Variants in CWC27 observed in about 807,000 individuals in gnomAD.
CWC27 encodes the protein CWC27 spliceosome associated cyclophilin, also known as spliceosome-associated protein CWC27 homolog.
In CWC27, 47 loss-of-function variants were observed where a neutral mutation model predicts 63.6. That is an observed-to-expected ratio of 0.74 (90% CI 0.58 to 0.94). The LOEUF (loss-of-function observed/expected upper bound fraction) is 0.94. Ranked by LOEUF, CWC27 falls within the 40% of genes least tolerant of loss-of-function variation. CWC27 has a pLI of 0.00. For missense variants in CWC27, 495 were observed against 554.3 expected (o/e 0.89, Z 1.07); for synonymous variants, 175 against 179.8 (o/e 0.97, Z 0.22).
intron 10 of CWC27, among the ~76,000 whole-genome samples, chr5:64,853,780 C>T (rs1016966601): frequency 2.6e-5 from 4 of 152,168 alleles, no homozygotes; most frequent in Admixed American, 6.5e-5. Context: ...CCAAACACCT[C>T]CCACCAGGGC....
At chr5:64,776,340 T>G (rs1165370310) in intron 2 of CWC27, among the ~76,000 whole-genome samples, 1 of 151,928 alleles carries the variant, frequency 6.6e-6, no homozygotes, top group Non-Finnish European at 1.5e-5. Flanking sequence ...ACAAAAACAT[T>G]AGAAAGAATG....
At chr5:65,001,703 G>A (rs545807252) in intron 13 of CWC27, among the ~76,000 whole-genome samples, 17 of 152,100 alleles carry the variant, frequency 1.1e-4, no homozygotes, top group South Asian at 8.3e-4. Context: ...TTTTTGATGC[G>A]TTGTTGGATA....
At chr5:64,966,886 TTTTG>T (rs144972163) in intron 11 of CWC27, among the ~76,000 whole-genome samples, 16,557 of 152,058 alleles carry the variant, frequency 0.11, 1,056 homozygotes, top group Non-Finnish European at 0.13. Flanking sequence ...TAATAAAAAT[TTTTG>T]TTTGTTTTAA....
chr5:64,824,680 T>C (rs1745307678), intron 10 of CWC27, among the ~76,000 whole-genome samples: 1 of 151,510 alleles, frequency 6.6e-6, no homozygotes, highest in African/African-American at 2.4e-5. Flanking sequence ...GTTTTTTTTT[T>C]TTTTCCTCTA....
intron 13 of CWC27, among the ~76,000 whole-genome samples, chr5:65,008,501 A>T (rs1434633685): frequency 6.6e-6 from 1 of 152,242 alleles, no homozygotes; most frequent in Non-Finnish European, 1.5e-5. Flanking sequence ...TTAGAACTTT[A>T]TCCGACCCAC....
intron 11 of CWC27, among the ~76,000 whole-genome samples, chr5:64,970,282 G>A (rs1580755799): frequency 6.7e-6 from 1 of 149,216 alleles, no homozygotes; most frequent in Non-Finnish European, 1.5e-5. Flanking sequence ...GCGCGATCTC[G>A]GCTCACTGCA....
intron 10 of CWC27, among the ~76,000 whole-genome samples, chr5:64,861,979 G>C (rs1263558498): frequency 6.6e-6 from 1 of 152,156 alleles, no homozygotes; most frequent in Non-Finnish European, 1.5e-5. Context: ...CTTGGTATGA[G>C]GATTTAAAAA....
intron 13 of CWC27, among the ~76,000 whole-genome samples, chr5:65,008,873 C>G (rs949096051): frequency 6.6e-6 from 1 of 152,064 alleles, no homozygotes; most frequent in African/African-American, 2.4e-5. Context: ...TATAAACCTC[C>G]AAAGTGAGTT....
At chr5:64,873,266 A>G (rs1428440043) in intron 10 of CWC27, among the ~76,000 whole-genome samples, 1 of 152,186 alleles carries the variant, frequency 6.6e-6, no homozygotes, top group Non-Finnish European at 1.5e-5. Context: ...CAATTAAAGG[A>G]AGTCTATTAA....
chr5:64,877,983 G>A (rs544513085), intron 10 of CWC27, among the ~76,000 whole-genome samples: 14 of 151,998 alleles, frequency 9.2e-5, no homozygotes, highest in Non-Finnish European at 1.8e-4. Context: ...AATTCAAAAT[G>A]TGCTTTAAAA....
At chr5:65,002,975 G>C (rs1490241341) in intron 13 of CWC27, among the ~76,000 whole-genome samples, 1 of 152,054 alleles carries the variant, frequency 6.6e-6, no homozygotes, top group African/African-American at 2.4e-5. Context: ...CTCGAATGTT[G>C]GGTACAAATA....
At chr5:64,949,937 T>C (rs1360318111) in intron 11 of CWC27, among the ~76,000 whole-genome samples, 1 of 151,994 alleles carries the variant, frequency 6.6e-6, no homozygotes, top group Non-Finnish European at 1.5e-5. Flanking sequence ...GCATCGGTAC[T>C]TTTTGAAGCT....
chr5:64,820,524 A>G (rs910339948), intron 10 of CWC27, among the ~76,000 whole-genome samples: 1 of 152,156 alleles, frequency 6.6e-6, no homozygotes, highest in South Asian at 2.1e-4. Flanking sequence ...AGAGTGTGAC[A>G]TACCTATTAA....
intron 11 of CWC27, among the ~76,000 whole-genome samples, chr5:64,935,678 A>G (rs1225417287): frequency 1.3e-5 from 2 of 152,176 alleles, no homozygotes; most frequent in African/African-American, 2.4e-5. Flanking sequence ...CATTGAATCT[A>G]TAAATTACTT....
intron 11 of CWC27, among the ~76,000 whole-genome samples, chr5:64,933,776 C>A (rs1241009992): frequency 6.6e-6 from 1 of 152,186 alleles, no homozygotes; most frequent in African/African-American, 2.4e-5. Flanking sequence ...CAGGCGTGAG[C>A]CACCACGCCT....
chr5:64,922,577 C>G (rs1407760504), intron 11 of CWC27, among the ~76,000 whole-genome samples: 2 of 152,208 alleles, frequency 1.3e-5, no homozygotes, highest in Non-Finnish European at 2.9e-5. Context: ...TCTTGTGTCT[C>G]AATGAGCTTC....
chr5:64,919,706 A>G (rs1747959974), intron 11 of CWC27, among the ~76,000 whole-genome samples: 2 of 152,174 alleles, frequency 1.3e-5, no homozygotes, highest in East Asian at 1.9e-4. Context: ...TTATGGCTGC[A>G]TAGTATTCTT....
chr5:64,958,736 A>G (rs1197199577), intron 11 of CWC27, among the ~76,000 whole-genome samples: 5 of 152,136 alleles, frequency 3.3e-5, no homozygotes, highest in Admixed American at 2.0e-4. Flanking sequence ...TAATGGAAAA[A>G]CACAGAGGAA....
intron 12 of CWC27, among the ~76,000 whole-genome samples, chr5:64,973,440 A>T (rs923519729): frequency 3.3e-5 from 5 of 152,196 alleles, no homozygotes; most frequent in African/African-American, 1.2e-4. Flanking sequence ...CCTTCAGCAT[A>T]GCTTCTACAT....
Sources: gnomAD v4.1 joint callset for allele counts (sites outside exome capture counted in the v4.1 genomes callset) on GRCh38, gnomAD v4.1.1 for gene constraint, MANE v1.5 for transcripts, NCBI Gene and HGNC (gene_info 2026-07-23, HGNC 2026-07-21) for gene names.